Variants in TM9SF3 observed in about 807,000 individuals in gnomAD.
TM9SF3 encodes transmembrane 9 superfamily member 3.
TM9SF3 carries 14 observed loss-of-function variants against 78.6 expected under a neutral mutation model. That is an observed-to-expected ratio of 0.18 (90% CI 0.12 to 0.28). The LOEUF (loss-of-function observed/expected upper bound fraction) is 0.28. TM9SF3 is among the 10% of genes least tolerant of loss of function. The pLI, the probability that TM9SF3 is intolerant of heterozygous loss-of-function variation, is 1.00. For synonymous variants in TM9SF3, 231 were observed against 241.7 expected, an observed-to-expected ratio of 0.96 and a Z score of 0.41; for missense variants, 496 against 721.9, an observed-to-expected ratio of 0.69 and a Z score of 3.59.
chr10:96,537,590 T>C (rs966008115), intron 9 of TM9SF3, among the ~76,000 whole-genome samples: 1 of 152,184 alleles, frequency 6.6e-6, no homozygotes, highest in Non-Finnish European at 1.5e-5. Flanking sequence ...CCCAGCACTT[T>C]GGGAGGCCAA....
chr10:96,536,515 C>T (rs1432592721), intron 9 of TM9SF3, among the ~76,000 whole-genome samples: 1 of 152,020 alleles, frequency 6.6e-6, no homozygotes, highest in Non-Finnish European at 1.5e-5. Context: ...TATTGTAGAA[C>T]TAATAAGTGA....
chr10:96,552,339 C>T (rs937455978), intron 6 of TM9SF3, among the ~76,000 whole-genome samples: 5 of 152,050 alleles, frequency 3.3e-5, no homozygotes, highest in African/African-American at 1.2e-4. Flanking sequence ...TTCCTAGCTA[C>T]TCAGGAGGCT....
chr10:96,527,600 T>A, intron 12 of TM9SF3, 104 bp from the exon 13 acceptor site: 2 of 879,538 alleles, frequency 2.3e-6, no homozygotes, highest in Non-Finnish European at 1.7e-6. Flanking sequence ...TAAAGTCCTT[T>A]AAAACTTATT....
chr10:96,554,236 T>C (rs1211822800), intron 5 of TM9SF3, among the ~76,000 whole-genome samples: 1 of 152,220 alleles, frequency 6.6e-6, no homozygotes, highest in Admixed American at 6.5e-5. Flanking sequence ...ATTGCTATTA[T>C]TCTCTTTTGA....
At chr10:96,562,566 C>T (rs1316443474) in intron 3 of TM9SF3, among the ~76,000 whole-genome samples, 1 of 152,120 alleles carries the variant, frequency 6.6e-6, no homozygotes, top group Non-Finnish European at 1.5e-5. Context: ...TAGTCTAGTA[C>T]TTTCTCTAAT....
chr10:96,570,445 T>C (rs1440637733), intron 2 of TM9SF3, among the ~76,000 whole-genome samples: 2 of 152,200 alleles, frequency 1.3e-5, no homozygotes, highest in African/African-American at 4.8e-5. Flanking sequence ...TGCATATATA[T>C]TCCTTTAAAA....
At chr10:96,535,921 T>A (rs1246358548) in intron 9 of TM9SF3, among the ~76,000 whole-genome samples, 2 of 152,174 alleles carry the variant, frequency 1.3e-5, no homozygotes, top group African/African-American at 2.4e-5. Flanking sequence ...AAAACAAATT[T>A]TAGCAAATGT....
rs1182027923 is a variant in TM9SF3 at position 96,586,860 on chromosome 10, CCGG to C, written c.-28_-26del. 7 of 1,194,666 alleles carry C rather than the reference CCGG, an allele frequency of 5.9e-6. No homozygotes were observed. The African/African-American group carries it at 9.9e-5, about 17-fold the overall frequency. The allele number at this position is 1,194,666 out of a possible 1,614,324, so 74.0% of individuals were successfully genotyped here. A position where few individuals can be genotyped will look rare whatever the true frequency, so the allele number is the denominator to read the frequency against. On this transcript the variant is annotated 5_prime_UTR_variant, in exon 1 of 15. Coordinates refer to ENST00000371142, the MANE Select transcript of TM9SF3 (RefSeq NM_020123.4). The stretch of plus-strand genomic sequence containing the variant: ...TCCTCCGCGCCCCTCCGGCCCGGAG[CCGG>C]CTCACCGACTCCTCCTCCCGCCGCC...
chr10:96,565,151 G>A (rs1848354068), intron 3 of TM9SF3, among the ~76,000 whole-genome samples, 153 bp downstream of exon 3: 1 of 152,080 alleles, frequency 6.6e-6, no homozygotes, highest in Admixed American at 6.5e-5. Context: ...CAAGCAACAG[G>A]TGACCATAAA....
At chr10:96,586,583 G>A (rs1053127699) in intron 1 of TM9SF3, 151 bp downstream of exon 1, 4 of 567,642 alleles carry the variant, frequency 7.0e-6, no homozygotes, top group African/African-American at 2.0e-5. Flanking sequence ...ACGCTCCCAA[G>A]GTTCCTGCTC....
chr10:96,548,068 T>G lies in TM9SF3; in HGVS notation c.960-79A>C, dbSNP rs1167686545. On this transcript the variant is annotated intron_variant, in intron 7 of 14. Coordinates refer to ENST00000371142, the MANE Select transcript of TM9SF3 (RefSeq NM_020123.4). Reference sequence around the variant, plus strand: ...TCATAGTCTATTATATTAGCATTAGTTTAATTTCAAAGATAACTTTAACAG... The same window carrying G: ...TCATAGTCTATTATATTAGCATTAGGTTAATTTCAAAGATAACTTTAACAG... 4.6e-6 allele frequency: 4 copies of G among 867,308 alleles called. No homozygotes were observed. In the East Asian group the frequency reaches 1.1e-4, roughly 25 times the overall value. The allele number at this position is 867,308 out of a possible 1,614,324, so 53.7% of individuals were successfully genotyped here.
chr10:96,536,370 G>A (rs1397338796), intron 9 of TM9SF3, among the ~76,000 whole-genome samples: 1 of 152,060 alleles, frequency 6.6e-6, no homozygotes, highest in Non-Finnish European at 1.5e-5. Flanking sequence ...AAGTGAAACT[G>A]TTTAAATAAT....
At chr10:96,570,715 A>C (rs1319149985) in intron 2 of TM9SF3, among the ~76,000 whole-genome samples, 2 of 152,068 alleles carry the variant, frequency 1.3e-5, no homozygotes, top group Non-Finnish European at 2.9e-5. Context: ...TGTTAAGTCC[A>C]CAGAGACAAA....
Position 96,576,808 on chromosome 10 carries a change from C to T in TM9SF3, c.124G>A (p.Val42Ile). 1 of 1,518,722 alleles carries T rather than the reference C, an allele frequency of 6.6e-7. No individual in the cohort carries two copies. The allele number at this position is 1,518,722 out of a possible 1,614,324, so 94.1% of individuals were successfully genotyped here. A position where few individuals can be genotyped will look rare whatever the true frequency, so the allele number is the denominator to read the frequency against. Reference protein sequence around the residue: ...EHTYQDKEEVVLWMNTVGPYH... With the variant: ...EHTYQDKEEVILWMNTVGPYH... ...GGCCCAACAGTATTCATCCATAAGA[C>T]AACTTCCTCTTTATCTTGATACTGA... Residue 42 changes from valine (V) to isoleucine (I), a missense_variant, in exon 2 of 15, where the codon GTC becomes ATC. Val to Ile is a conservative substitution (Grantham distance 29, BLOSUM62 3). This residue lies in a region of TM9SF3 where 155 missense variants were observed against 241.6 expected (regional missense o/e 0.64). Coordinates refer to ENST00000371142, the MANE Select transcript of TM9SF3 (RefSeq NM_020123.4).
At chr10:96,530,507 C>T (rs757418710) in intron 11 of TM9SF3, 33 bp downstream of exon 11, 4 of 1,553,702 alleles carry the variant, frequency 2.6e-6, no homozygotes, top group Non-Finnish European at 2.6e-6. Context: ...ATAATCAAAT[C>T]CCTCAAAACA....
chr10:96,525,603 A>T (rs1042395271), intron 14 of TM9SF3, among the ~76,000 whole-genome samples: 2 of 152,074 alleles, frequency 1.3e-5, no homozygotes, highest in African/African-American at 2.4e-5. Flanking sequence ...TATATCTTAT[A>T]TAGCCAAAGG....
intron 8 of TM9SF3, 107 bp from the exon 9 acceptor site, chr10:96,544,313 T>C (rs1848072338): frequency 9.7e-7 from 1 of 1,035,782 alleles, no homozygotes; most frequent in South Asian, 2.0e-5. Flanking sequence ...TAATAATTTC[T>C]TCAAAATAAT....
At chr10:96,568,835 C>T in intron 2 of TM9SF3, among the ~76,000 whole-genome samples, 1 of 151,890 alleles carries the variant, frequency 6.6e-6, no homozygotes, top group South Asian at 2.1e-4. Context: ...CTTCCATGAA[C>T]CTCTCAGTTC....
chr10:96,558,878 A>G (rs1848269055), intron 5 of TM9SF3, among the ~76,000 whole-genome samples: 1 of 152,220 alleles, frequency 6.6e-6, no homozygotes, highest in Admixed American at 6.5e-5. Context: ...CAATTCAGGA[A>G]GAAATTCAGA....
Sources: gnomAD v4.1 joint callset for allele counts (sites outside exome capture counted in the v4.1 genomes callset) on GRCh38, gnomAD v4.1.1 for gene constraint, gnomAD v4.1.1 regional missense constraint, MANE v1.5 for transcripts, NCBI Gene and HGNC (gene_info 2026-07-23, HGNC 2026-07-21) for gene names.